The following PTPRN2 variants were observed in gnomAD, a reference collection of about 807,000 sequenced individuals.
PTPRN2 encodes receptor-type tyrosine-protein phosphatase N2.
Under a neutral mutation model 118.8 loss-of-function variants are expected in PTPRN2, and 74 were observed. That is an observed-to-expected ratio of 0.62 (90% confidence interval 0.52 to 0.76). PTPRN2 has a LOEUF of 0.76. Ranked by LOEUF, PTPRN2 falls within the 30% of genes least tolerant of loss-of-function variation. The probability of loss-of-function intolerance (pLI) is 0.00; values close to 1 mark genes in which losing one functional copy is unlikely to be tolerated. For synonymous variants in PTPRN2, 641 were observed against 608.0 expected (o/e 1.05, Z -0.80); for missense variants, 1,481 against 1,394.4 (o/e 1.06, Z -0.99).
chr7:157,742,011 T>C (rs767937733), intron 12 of PTPRN2, among the ~76,000 whole-genome samples: 6 of 152,188 alleles, frequency 3.9e-5, no homozygotes, highest in Non-Finnish European at 5.9e-5. Context: ...TGACCAGCGC[T>C]CTTTCTGTGT....
Position 157,539,800 on chromosome 7 carries a change from C to T in PTPRN2, c.*914G>A, listed in dbSNP as rs538181659. The T allele has an allele frequency of 2.0e-5, 3 of 152,396 alleles. No individual in the cohort carries two copies. The highest frequency in any genetic ancestry group is 2.9e-5 in the Non-Finnish European group (2 of 68,084). 9.4% of individuals were successfully genotyped at this position (152,396 alleles called of 1,614,324 possible). A position where few individuals can be genotyped will look rare whatever the true frequency, so the allele number is the denominator to read the frequency against. On this transcript the variant is annotated 3_prime_UTR_variant, in exon 23 of 23. Coordinates refer to ENST00000389418, the MANE Select transcript of PTPRN2 (RefSeq NM_002847.5). ...TCCCCTCTCTGGGGCCCCACAGGTC[C>T]GGGACGTGCCTGGAGGAGCCAGCGG... is the stretch of plus-strand genomic sequence containing the variant.
At chr7:158,454,677 A>C (rs1818340116) in intron 2 of PTPRN2, among the ~76,000 whole-genome samples, 1 of 152,244 alleles carries the variant, frequency 6.6e-6, no homozygotes. Flanking sequence ...CACAACACAC[A>C]CAATCACTGA....
At chr7:158,393,207 C>G (rs1449245713) in intron 2 of PTPRN2, among the ~76,000 whole-genome samples, 4 of 152,198 alleles carry the variant, frequency 2.6e-5, no homozygotes, top group African/African-American at 9.6e-5. Context: ...CCTCCTCACC[C>G]CACGGCGTCT....
At chr7:158,205,140 G>A (rs1003443320) in intron 4 of PTPRN2, 31 bp downstream of exon 4, 1 of 1,530,324 alleles carries the variant, frequency 6.5e-7, no homozygotes. Context: ...TGTCCTGGGA[G>A]CAAGGAGCAA....
chr7:158,242,903 G>A (rs1795979491), intron 3 of PTPRN2, among the ~76,000 whole-genome samples: 1 of 152,116 alleles, frequency 6.6e-6, no homozygotes, highest in African/African-American at 2.4e-5. Context: ...ATTTATTTGA[G>A]TCTTCTCTCA....
At chr7:158,238,168 C>A (rs181504587) in intron 3 of PTPRN2, among the ~76,000 whole-genome samples, 1 of 152,082 alleles carries the variant, frequency 6.6e-6, no homozygotes, top group African/African-American at 2.4e-5. Flanking sequence ...TGGAAAAGGA[C>A]GCCCTGGGCT....
chr7:158,042,209 A>G (rs1808519067), intron 11 of PTPRN2, among the ~76,000 whole-genome samples: 1 of 152,124 alleles, frequency 6.6e-6, no homozygotes, highest in African/African-American at 2.4e-5. Context: ...GAAACCAGAG[A>G]ATGGATTTCC....
chr7:157,879,556 C>G (rs1044039049), intron 12 of PTPRN2, among the ~76,000 whole-genome samples: 1 of 152,200 alleles, frequency 6.6e-6, no homozygotes, highest in African/African-American at 2.4e-5. Context: ...TTTAACCCTG[C>G]AGTAGCTGGG....
At chr7:158,035,241 TAAG>T (rs899727163) in intron 11 of PTPRN2, among the ~76,000 whole-genome samples, 1 of 152,186 alleles carries the variant, frequency 6.6e-6, no homozygotes, top group African/African-American at 2.4e-5. Flanking sequence ...TATAAAACTA[TAAG>T]AAGAGAAGAA....
At chr7:157,871,377 G>A (rs1452469325) in intron 12 of PTPRN2, among the ~76,000 whole-genome samples, 1 of 152,172 alleles carries the variant, frequency 6.6e-6, no homozygotes, top group African/African-American at 2.4e-5. Context: ...TGGGCCTGGG[G>A]GATTTGGGTT....
At chr7:157,746,274 A>G (rs1385416509) in intron 12 of PTPRN2, among the ~76,000 whole-genome samples, 16 of 148,476 alleles carry the variant, frequency 1.1e-4, no homozygotes. Flanking sequence ...GGCCAAGAGC[A>G]TGGAGATCAT....
At chr7:157,825,353 C>A (rs184076284) in intron 12 of PTPRN2, among the ~76,000 whole-genome samples, 56 of 152,224 alleles carry the variant, frequency 3.7e-4, no homozygotes, top group East Asian at 1.4e-3. Context: ...GCTGGAGCGG[C>A]AGGAGTAGAA....
chr7:158,364,341 T>C (rs984992207), intron 2 of PTPRN2, among the ~76,000 whole-genome samples: 3 of 143,358 alleles, frequency 2.1e-5, no homozygotes, highest in Admixed American at 1.4e-4. Flanking sequence ...TTCACCTGCC[T>C]CTCGCCATGC....
intron 3 of PTPRN2, among the ~76,000 whole-genome samples, chr7:158,250,552 GCA>G (rs954584285): frequency 2.0e-5 from 3 of 151,696 alleles, no homozygotes; most frequent in South Asian, 2.1e-4. Context: ...CCATACATAT[GCA>G]CACACACACG....
At chr7:158,263,302 C>T (rs757199219) in intron 3 of PTPRN2, among the ~76,000 whole-genome samples, 10 of 152,174 alleles carry the variant, frequency 6.6e-5, no homozygotes, top group Non-Finnish European at 1.2e-4. Context: ...ATGTGCACAC[C>T]GTGTGTGGGT....
chr7:158,486,801 C>A (rs1821065783), intron 2 of PTPRN2, among the ~76,000 whole-genome samples: 1 of 152,172 alleles, frequency 6.6e-6, no homozygotes, highest in Admixed American at 6.5e-5. Flanking sequence ...AATTTACCAT[C>A]TTAGCCATTC....
At chr7:158,468,579 C>T (rs1050128326) in intron 2 of PTPRN2, among the ~76,000 whole-genome samples, 2 of 151,482 alleles carry the variant, frequency 1.3e-5, no homozygotes, top group African/African-American at 4.8e-5. Flanking sequence ...CCAGGTGTTA[C>T]CACCGGCATG....
At chr7:157,658,569 G>A (rs895920075) in intron 13 of PTPRN2, among the ~76,000 whole-genome samples, 1 of 152,214 alleles carries the variant, frequency 6.6e-6, no homozygotes, top group African/African-American at 2.4e-5. Context: ...GGCAGGACAC[G>A]GCCACGCAGC....
chr7:158,492,412 C>G (rs1821528126), intron 1 of PTPRN2, among the ~76,000 whole-genome samples: 1 of 152,248 alleles, frequency 6.6e-6, no homozygotes, highest in Admixed American at 6.5e-5. Context: ...AAGAAAGCCC[C>G]TGTTTTCTTC....
Sources: gnomAD v4.1 joint callset for allele counts (sites outside exome capture counted in the v4.1 genomes callset) on GRCh38, gnomAD v4.1.1 for gene constraint, MANE v1.5 for transcripts, NCBI Gene and HGNC (gene_info 2026-07-23, HGNC 2026-07-21) for gene names.